Variants in DLGAP1 observed in about 807,000 individuals in gnomAD.
The protein encoded by DLGAP1 is disks large-associated protein 1.
DLGAP1 carries 11 observed loss-of-function variants against 90.8 expected under a neutral mutation model. The ratio of observed to expected loss-of-function variants is 0.12; its 90% CI spans 0.08 to 0.20. The LOEUF is 0.20. DLGAP1 is among the 10% of genes least tolerant of loss of function. The pLI is 1.00. For missense variants in DLGAP1, 1,050 were observed against 1,333.8 expected, an observed-to-expected ratio of 0.79 and a Z score of 3.31; for synonymous variants, 558 against 540.7, an observed-to-expected ratio of 1.03 and a Z score of -0.44.
At chr18:4,112,875 C>T (rs1426901950) in intron 2 of DLGAP1, among the ~76,000 whole-genome samples, 1 of 152,046 alleles carries the variant, frequency 6.6e-6, no homozygotes, top group Non-Finnish European at 1.5e-5. Context: ...TTTTCTGTTC[C>T]CGTGTTAATT....
At chr18:3,666,023 C>A (rs983770217) in intron 7 of DLGAP1, among the ~76,000 whole-genome samples, 1 of 152,032 alleles carries the variant, frequency 6.6e-6, no homozygotes, top group Non-Finnish European at 1.5e-5. Flanking sequence ...TAAAGGGAGC[C>A]CGGCTCCAAC....
intron 1 of DLGAP1, among the ~76,000 whole-genome samples, chr18:4,416,733 A>T (rs915638732): frequency 3.2e-4 from 49 of 152,310 alleles, no homozygotes; most frequent in African/African-American, 1.1e-3. Context: ...AATATGCATT[A>T]ATCAAAAAGT....
intron 1 of DLGAP1, among the ~76,000 whole-genome samples, chr18:4,446,439 A>AAGC (rs139464015): frequency 0.17 from 25,644 of 151,288 alleles, 2,757 homozygotes; most frequent in Non-Finnish European, 0.23. Flanking sequence ...TTGTGAAGTC[A>AAGC]AGCAGCAGCA....
At chr18:4,180,458 C>T (rs1016563371) in intron 1 of DLGAP1, among the ~76,000 whole-genome samples, 1 of 152,174 alleles carries the variant, frequency 6.6e-6, no homozygotes, top group Non-Finnish European at 1.5e-5. Flanking sequence ...TCAGGAACTG[C>T]ACATCTTGCA....
At chr18:3,600,690 C>CTATAGAGA (rs1555695250) in intron 7 of DLGAP1, among the ~76,000 whole-genome samples, 3 of 59,788 alleles carry the variant, frequency 5.0e-5, no homozygotes, top group African/African-American at 2.4e-4. Flanking sequence ...CTATAGAGAT[C>CTATAGAGA]TATATAGATA....
At chr18:4,368,653 AC>A (rs2081837539) in intron 1 of DLGAP1, among the ~76,000 whole-genome samples, 1 of 149,778 alleles carries the variant, frequency 6.7e-6, no homozygotes, top group Non-Finnish European at 1.5e-5. Context: ...ACACACACAC[AC>A]ACACACACAC....
intron 1 of DLGAP1, among the ~76,000 whole-genome samples, chr18:4,326,143 A>G (rs775271369): frequency 1.3e-5 from 2 of 152,148 alleles, no homozygotes; most frequent in Non-Finnish European, 2.9e-5. Flanking sequence ...AGAATCTATA[A>G]GAAACCAACA....
chr18:3,897,257 C>T (rs372075765), intron 3 of DLGAP1, among the ~76,000 whole-genome samples: 3 of 152,218 alleles, frequency 2.0e-5, no homozygotes, highest in Admixed American at 6.5e-5. Flanking sequence ...AGCTCAAGGC[C>T]GTAGCTACTC....
intron 1 of DLGAP1, among the ~76,000 whole-genome samples, chr18:4,244,065 C>A (rs1443625285): frequency 6.6e-6 from 1 of 151,948 alleles, no homozygotes; most frequent in African/African-American, 2.4e-5. Context: ...TTGTGCATAT[C>A]TTAAGAACTC....
intron 3 of DLGAP1, among the ~76,000 whole-genome samples, chr18:3,946,997 CT>C (rs1202566042): frequency 3.3e-5 from 5 of 152,076 alleles, no homozygotes; most frequent in African/African-American, 4.8e-5. Context: ...GATAAAGCTC[CT>C]TGTTTTATTC....
chr18:3,549,906 T>A (rs56370864), intron 9 of DLGAP1, among the ~76,000 whole-genome samples: 61,807 of 151,688 alleles, frequency 0.41, 14,374 homozygotes, highest in African/African-American at 0.64. Context: ...TTAATTAATT[T>A]ATTTATTATT....
intron 4 of DLGAP1, among the ~76,000 whole-genome samples, chr18:3,866,449 T>C (rs957460300): frequency 1.3e-4 from 20 of 152,176 alleles, no homozygotes; most frequent in African/African-American, 4.8e-4. Flanking sequence ...AGTTTTCAAA[T>C]TATAGACAGC....
intron 7 of DLGAP1, among the ~76,000 whole-genome samples, chr18:3,684,242 T>C (rs1370030671): frequency 6.6e-6 from 1 of 151,668 alleles, no homozygotes; most frequent in Non-Finnish European, 1.5e-5. Flanking sequence ...CAGGAGGGAG[T>C]GCAGTGGTGC....
At chr18:3,523,622 C>T (rs551475639) in intron 10 of DLGAP1, among the ~76,000 whole-genome samples, 2,350 of 151,676 alleles carry the variant, frequency 0.015, 36 homozygotes, top group African/African-American at 0.036. Flanking sequence ...CCAAGGAGGG[C>T]GGATCACGAG....
At chr18:4,302,162 C>CT (rs1159043457) in intron 1 of DLGAP1, among the ~76,000 whole-genome samples, 4 of 152,066 alleles carry the variant, frequency 2.6e-5, no homozygotes, top group Admixed American at 1.3e-4. Flanking sequence ...CATTTCTCTA[C>CT]TTTTTTGCTT....
At chr18:4,202,635 C>A (rs899974782) in intron 1 of DLGAP1, among the ~76,000 whole-genome samples, 2 of 152,046 alleles carry the variant, frequency 1.3e-5, no homozygotes, top group Non-Finnish European at 2.9e-5. Flanking sequence ...GGATTTTGTA[C>A]TTGATATTAA....
chr18:4,438,569 A>G (rs2083457620), intron 1 of DLGAP1, among the ~76,000 whole-genome samples: 1 of 150,162 alleles, frequency 6.7e-6, no homozygotes, highest in Non-Finnish European at 1.5e-5. Context: ...ATCCCCATTC[A>G]TTTCTTCATC....
At chr18:4,120,374 GTATC>G (rs1289150898) in intron 2 of DLGAP1, among the ~76,000 whole-genome samples, 1 of 152,172 alleles carries the variant, frequency 6.6e-6, no homozygotes, top group Non-Finnish European at 1.5e-5. Flanking sequence ...CATGAGTTCT[GTATC>G]TAATCCGCAG....
chr18:4,188,590 C>T (rs1031941704), intron 1 of DLGAP1, among the ~76,000 whole-genome samples: 6 of 152,058 alleles, frequency 3.9e-5, no homozygotes, highest in African/African-American at 1.4e-4. Context: ...CCTGTGTTAG[C>T]TTGCTGAGGG....
Sources: gnomAD v4.1 joint callset for allele counts (sites outside exome capture counted in the v4.1 genomes callset) on GRCh38, gnomAD v4.1.1 for gene constraint, MANE v1.5 for transcripts, NCBI Gene and HGNC (gene_info 2026-07-23, HGNC 2026-07-21) for gene names.